SEMA4A: variants seen among roughly 807,000 people sequenced by gnomAD.
SEMA4A encodes the protein semaphorin 4A.
A neutral mutation model predicts 72.5 loss-of-function variants in SEMA4A; 52 were observed. The ratio of observed to expected loss-of-function variants is 0.72; its 90% CI spans 0.57 to 0.90. The LOEUF (loss-of-function observed/expected upper bound fraction) is 0.90, where lower values mean the gene tolerates loss of function less well. SEMA4A is among the 40% of genes least tolerant of loss of function. The pLI, the probability that SEMA4A is intolerant of heterozygous loss-of-function variation, is 0.00. For missense variants in SEMA4A, 926 were observed against 959.7 expected, an observed-to-expected ratio of 0.96 and a Z score of 0.46; for synonymous variants, 369 against 393.1, an observed-to-expected ratio of 0.94 and a Z score of 0.73.
Position 156,173,103 on chromosome 1 carries a change from C to T in SEMA4A, c.1315+97C>T. The T allele has an allele frequency of 4.0e-6, 5 of 1,248,290 alleles. No homozygotes were observed. The Middle Eastern group carries it at 8.2e-4, about 204-fold the overall frequency. 77.3% of individuals were successfully genotyped at this position (1,248,290 alleles called of 1,614,324 possible). A position where few individuals can be genotyped will look rare whatever the true frequency, so the allele number is the denominator to read the frequency against. On this transcript the variant is annotated intron_variant, in intron 11 of 14. Coordinates refer to ENST00000368285, the MANE Select transcript of SEMA4A (RefSeq NM_022367.4). The stretch of plus-strand genomic sequence containing the variant: ...CCTTGAGTTCATTCACTTATTCATT[C>T]AACAACTGTTTACTGAGCACCTGCT...
chr1:156,176,535 C>G lies in SEMA4A; in HGVS notation c.1824C>G (p.Gly608=), dbSNP rs368591614. ...VPEASSTVYN[G]SLLLIVQDGV... The stretch of plus-strand genomic sequence containing the variant: ...AAGCCTCTTCCACTGTCTACAATGG[C>G]TCCCTCTTGCTGATAGTGCAGGATG... The change falls in exon 15 of 15, where the codon GGC becomes GGG. Residue 608 remains glycine, a synonymous_variant. Transcript: ENST00000368285. 4 of 1,614,046 alleles carry G rather than the reference C, an allele frequency of 2.5e-6. No individual in the cohort carries two copies. Among genetic ancestry groups the G allele is most frequent in the Non-Finnish European group, 3.4e-6 (4 of 1,180,014 alleles).
chr1:156,163,205 C>A, intron 10 of SEMA4A, 111 bp downstream of exon 10: 1 of 1,232,506 alleles, frequency 8.1e-7, no homozygotes, highest in Non-Finnish European at 1.2e-6. Context: ...CTCCACCCCA[C>A]CAATCTCGCC....
chr1:156,152,919 G>A (rs778873548), upstream of SEMA4A, among the ~76,000 whole-genome samples: 2 of 152,142 alleles, frequency 1.3e-5, no homozygotes, highest in Non-Finnish European at 2.9e-5. Flanking sequence ...AGTTCTTGGC[G>A]CTGGATGCCT....
chr1:156,174,860 A>G lies in SEMA4A; in HGVS notation c.1354A>G (p.Ser452Gly), dbSNP rs1201291371. ...SLHKAVVSGD[S>G]SAHLVEEIQL... ...CCACAAGGCTGTGGTAAGTGGGGAC[A>G]GCAGTGCTCATCTGGTGGAAGAGAT... Residue 452 changes from serine to glycine, a missense_variant, in exon 12 of 15, where the codon AGC becomes GGC. Ser to Gly is a moderately conservative substitution (Grantham distance 56). Transcript: ENST00000368285. 2 of 1,614,102 alleles carry G rather than the reference A, an allele frequency of 1.2e-6. No individual in the cohort carries two copies. The highest frequency in any genetic ancestry group is 1.7e-5 in the Admixed American group (1 of 60,014).
chr1:156,175,140 T>C lies in SEMA4A; in HGVS notation c.1489T>C (p.Cys497Arg). 6.2e-7 allele frequency: 1 copy of C among 1,614,176 alleles called. No homozygotes were observed. Among genetic ancestry groups the C allele is most frequent in the Non-Finnish European group, 8.5e-7 (1 of 1,180,020 alleles). Residue 497 changes from cysteine to arginine, a missense_variant, in exon 13 of 15, where the codon TGT (cysteine) becomes CGT (arginine). Coordinates refer to ENST00000368285, the MANE Select transcript of SEMA4A (RefSeq NM_022367.4). ...GGVWRVPRAN[C>R]SVYESCVDCV... is the part of the protein sequence containing the mutation. Reference sequence around the variant, plus strand: ...TGTCTGGAGGGTGCCCCGAGCCAACTGTAGTGTCTATGAGAGCTGTGTGGA... The same window carrying C: ...TGTCTGGAGGGTGCCCCGAGCCAACCGTAGTGTCTATGAGAGCTGTGTGGA...
Position 156,177,086 on chromosome 1 carries a change from C to A in SEMA4A, c.*89C>A. On this transcript the variant is annotated 3_prime_UTR_variant, in exon 15 of 15. Transcript: ENST00000368285. ...ACAGCCCTGACTAGGATGACAGCAG[C>A]ACAAAAGACCACCTTTCTCCCCTGA... 2 of 1,085,518 alleles carry A rather than the reference C, an allele frequency of 1.8e-6. No homozygotes were observed. Among genetic ancestry groups the A allele is most frequent in the Non-Finnish European group, 2.8e-6 (2 of 725,160 alleles). The allele number at this position is 1,085,518 out of a possible 1,614,324, so 67.2% of individuals were successfully genotyped here.
intron 10 of SEMA4A, 63 bp from the exon 11 acceptor site, chr1:156,172,763 T>C: frequency 2.1e-6 from 3 of 1,458,728 alleles, no homozygotes; most frequent in Non-Finnish European, 2.9e-6. Context: ...GAGCAGGCGT[T>C]GGAGGGAGGG....
rs2102967251 is a variant in SEMA4A at position 156,163,028 on chromosome 1, G to A, written c.1068G>A (p.Glu356=). Residue 356 remains glutamate (E), a synonymous_variant, in exon 10 of 15, where the codon GAG becomes GAA. Coordinates refer to ENST00000368285, the MANE Select transcript of SEMA4A (RefSeq NM_022367.4). The part of the protein sequence containing the change: ...IERVFKGKYK[E]LNKETSRWTT... ...GTGTCTTTAAGGGGAAATACAAAGA[G>A]TTGAACAAAGAAACTTCACGCTGGA... The A allele has an allele frequency of 5.6e-6, 9 of 1,614,136 alleles. No homozygotes were observed. The South Asian group carries it at 9.9e-5, about 18-fold the overall frequency.
intron 10 of SEMA4A, among the ~76,000 whole-genome samples, chr1:156,172,346 C>T (rs1179397436): frequency 1.3e-5 from 2 of 151,854 alleles, no homozygotes; most frequent in African/African-American, 4.8e-5. Flanking sequence ...GAACTCCTGA[C>T]CTCAGGTGAT....
At chr1:156,158,616 G>C (rs1653271885) in intron 5 of SEMA4A, 103 bp from the exon 6 acceptor site, 1 of 1,311,860 alleles carries the variant, frequency 7.6e-7, no homozygotes, top group Admixed American at 1.7e-5. Flanking sequence ...CCTGGCCCCA[G>C]ACCAATTTCC....
At chr1:156,164,856 A>G (rs1654013478) in intron 10 of SEMA4A, among the ~76,000 whole-genome samples, 1 of 151,770 alleles carries the variant, frequency 6.6e-6, no homozygotes, top group Non-Finnish European at 1.5e-5. Flanking sequence ...GCTGGAGTGC[A>G]ATGGCGTGAT....
At chr1:156,175,800 TG>T (rs1341563731) in intron 14 of SEMA4A, 144 bp downstream of exon 14, 31 of 691,030 alleles carry the variant, frequency 4.5e-5, no homozygotes, top group Non-Finnish European at 7.6e-5. Flanking sequence ...ATTTGGGTCC[TG>T]GCTATAGGGA....
chr1:156,148,872 G>A (rs1158780568), upstream of SEMA4A, among the ~76,000 whole-genome samples: 2 of 146,514 alleles, frequency 1.4e-5, no homozygotes, highest in Admixed American at 7.0e-5. Context: ...GCATGATCTC[G>A]GCTCACTACA....
intron 13 of SEMA4A, 44 bp downstream of exon 13, chr1:156,175,287 C>A: frequency 6.4e-7 from 1 of 1,574,422 alleles, no homozygotes; most frequent in Non-Finnish European, 8.6e-7. Context: ...CCAGCCAGGA[C>A]CCTTCTCAGC....
intron 6 of SEMA4A, 114 bp downstream of exon 6, chr1:156,158,938 G>A (rs927536185): frequency 1.4e-4 from 120 of 858,038 alleles, no homozygotes; most frequent in Non-Finnish European, 2.1e-4. Flanking sequence ...GTGGTGATGC[G>A]TGCATATGGT....
In SEMA4A at chr1:156,176,883, T is replaced by TGG. The variant is rs780625314; in HGVS notation, c.2175_2176dup (p.Glu726GlyfsTer6). On this transcript the variant is annotated frameshift_variant, in exon 15 of 15. Coordinates refer to ENST00000368285, the MANE Select transcript of SEMA4A (RefSeq NM_022367.4). LOFTEE classifies it low-confidence loss of function (END_TRUNC). ...TTCAGGGCTGTGAGACCCTGCGCCC[T>TGG]GGGGAGAAGGCCCCGTTAAGCAGAG... The TGG allele has an allele frequency of 3.5e-5, 56 of 1,614,114 alleles. No homozygotes were observed. Among genetic ancestry groups the TGG allele is most frequent in the Non-Finnish European group, 4.5e-5 (53 of 1,180,034 alleles).
chr1:156,176,864 G>A lies in SEMA4A; in HGVS notation c.2153G>A (p.Gly718Asp), dbSNP rs1417684405. 1 of 1,614,128 alleles carries A rather than the reference G, an allele frequency of 6.2e-7. No individual in the cohort carries two copies. Among genetic ancestry groups the A allele is most frequent in the Non-Finnish European group, 8.5e-7 (1 of 1,180,038 alleles). The change falls in exon 15 of 15, where the codon GGC becomes GAC. Residue 718 changes from glycine (G) to aspartate (D), a missense_variant. Gly to Asp is a moderately conservative substitution (Grantham distance 94, BLOSUM62 -1). Coordinates refer to ENST00000368285, the MANE Select transcript of SEMA4A (RefSeq NM_022367.4). ...RALRARGKVQ[G>D]CETLRPGEKA... is the part of the protein sequence containing the mutation. ...CTCCGGGCTCGGGGCAAGGTTCAGG[G>A]CTGTGAGACCCTGCGCCCTGGGGAG...
At chr1:156,154,780 G>A in intron 2 of SEMA4A, 63 bp downstream of exon 2, 1 of 1,544,066 alleles carries the variant, frequency 6.5e-7, no homozygotes, top group Non-Finnish European at 8.8e-7. Context: ...GGTGGAGGAA[G>A]GAGAGAGGAA....
Position 156,160,686 on chromosome 1 carries a change from A to G in SEMA4A, c.685+127A>G, listed in dbSNP as rs1226229693. On this transcript the variant is annotated intron_variant, in intron 7 of 14. Transcript: ENST00000368285. Reference sequence around the variant, plus strand: ...AGGCGCAGGGGGTATATGGCAGGGAAGAAGGCAAAGCTCCGGTTCTCTTGA... The same window carrying G: ...AGGCGCAGGGGGTATATGGCAGGGAGGAAGGCAAAGCTCCGGTTCTCTTGA... 4 of 1,038,154 alleles carry G rather than the reference A, an allele frequency of 3.9e-6. No homozygotes were observed. In the Admixed American group the frequency reaches 5.8e-5, roughly 15 times the overall value. The allele number at this position is 1,038,154 out of a possible 1,614,324, so 64.3% of individuals were successfully genotyped here. A position where few individuals can be genotyped will look rare whatever the true frequency, so the allele number is the denominator to read the frequency against.
Sources: gnomAD v4.1 joint callset for allele counts (sites outside exome capture counted in the v4.1 genomes callset) on GRCh38, gnomAD v4.1.1 for gene constraint, MANE v1.5 for transcripts, NCBI Gene and HGNC (gene_info 2026-07-23, HGNC 2026-07-21) for gene names.